The following NREP variants were observed in gnomAD, a reference collection of about 807,000 sequenced individuals.
The protein encoded by NREP is neuronal regeneration related protein, also known as neuronal regeneration-related protein.
Under a neutral mutation model 8.6 loss-of-function variants are expected in NREP, and 5 were observed. That is an observed-to-expected ratio of 0.58 (90% CI 0.30 to 1.22). The LOEUF is 1.22. NREP is among the 50% of genes most tolerant of loss of function. NREP has a pLI of 0.07. For missense variants in NREP, 86 were observed against 82.5 expected (o/e 1.04, Z -0.17); for synonymous variants, 27 against 28.0 (o/e 0.96, Z 0.11).
chr5:111,752,528 TGTCTTTTTCTTTAAA>T (rs1750427204), intron 2 of NREP, among the ~76,000 whole-genome samples: 1 of 152,204 alleles, frequency 6.6e-6, no homozygotes, highest in South Asian at 2.1e-4. Flanking sequence ...CCCCAATCTT[TGTCTTTTTCTTTAAA>T]CAAGGAAACC....
intron 2 of NREP, among the ~76,000 whole-genome samples, chr5:111,955,366 C>G (rs1276919855): frequency 2.0e-5 from 3 of 151,280 alleles, no homozygotes; most frequent in African/African-American, 7.3e-5. Flanking sequence ...TTGAGTGAGT[C>G]AGCGAAAGAA....
At chr5:111,890,373 C>A (rs1175142667) in intron 2 of NREP, among the ~76,000 whole-genome samples, 1 of 152,228 alleles carries the variant, frequency 6.6e-6, no homozygotes, top group Non-Finnish European at 1.5e-5. Flanking sequence ...ATGCCTTCAG[C>A]TTTTCCTTGC....
At chr5:111,761,344 A>G (rs945648322), upstream of NREP, among the ~76,000 whole-genome samples, 1 of 152,220 alleles carries the variant, frequency 6.6e-6, no homozygotes, top group African/African-American at 2.4e-5. Context: ...ACTGTTGCAC[A>G]ACCCTTGAGC....
intron 2 of NREP, among the ~76,000 whole-genome samples, chr5:111,843,015 G>A (rs1053038809): frequency 1.3e-5 from 2 of 152,196 alleles, no homozygotes. Context: ...ACAATGTGTC[G>A]TGGTGAAGAT....
chr5:111,799,299 T>C (rs1439057748), intron 2 of NREP, among the ~76,000 whole-genome samples: 1 of 152,182 alleles, frequency 6.6e-6, no homozygotes, highest in African/African-American at 2.4e-5. Flanking sequence ...TCTAGTTCTG[T>C]GAAGAATGAT....
intron 2 of NREP, among the ~76,000 whole-genome samples, chr5:111,890,616 C>T (rs1042926183): frequency 6.6e-6 from 1 of 152,214 alleles, no homozygotes; most frequent in African/African-American, 2.4e-5. Flanking sequence ...GGTTCCCAAG[C>T]CTCAATTGTT....
At chr5:111,737,459 G>A (rs1227622490) in intron 2 of NREP, among the ~76,000 whole-genome samples, 7 of 152,074 alleles carry the variant, frequency 4.6e-5, no homozygotes, top group Non-Finnish European at 7.4e-5. Context: ...AACCAAAAAC[G>A]TTGATAAAAG....
Position 111,736,503 on chromosome 5 carries a change from A to G in NREP, c.4-996T>C, listed in dbSNP as rs189811782. Among the ~76,000 whole-genome samples the G allele has an allele frequency of 2.3e-3, 345 of 152,300 alleles. 1 individual carries two copies. Among genetic ancestry groups the G allele is most frequent in the African/African-American group, 8.0e-3 (334 of 41,576 alleles). On this transcript the variant is annotated intron_variant, in intron 2 of 3. Transcript: ENST00000257435. ...AAGAGTCACACCTCATTAACAGATT[A>G]ACAAACAGACTTAGATGTGTGTTTA...
chr5:111,904,501 T>C (rs923565446), intron 2 of NREP, among the ~76,000 whole-genome samples: 4 of 152,130 alleles, frequency 2.6e-5, no homozygotes, highest in African/African-American at 9.7e-5. Context: ...ATCATTGGAA[T>C]TATATAGTAT....
chr5:111,835,704 TG>T (rs1263012539), intron 2 of NREP, among the ~76,000 whole-genome samples: 2 of 152,124 alleles, frequency 1.3e-5, no homozygotes, highest in African/African-American at 2.4e-5. Flanking sequence ...AGGAACATTC[TG>T]GGATAAGTGG....
At chr5:111,780,375 G>C (rs1581112046) in intron 2 of NREP, among the ~76,000 whole-genome samples, 1 of 152,258 alleles carries the variant, frequency 6.6e-6, no homozygotes, top group East Asian at 1.9e-4. Flanking sequence ...TACTGTGAGA[G>C]AAGAGGCAGA....
intron 2 of NREP, among the ~76,000 whole-genome samples, chr5:111,881,554 C>G (rs970800625): frequency 6.6e-6 from 1 of 152,170 alleles, no homozygotes; most frequent in Non-Finnish European, 1.5e-5. Flanking sequence ...CCCTGACCCC[C>G]AAGCAGTCTA....
intron 2 of NREP, among the ~76,000 whole-genome samples, chr5:111,950,447 G>T (rs1756122943): frequency 6.6e-6 from 1 of 152,040 alleles, no homozygotes; most frequent in African/African-American, 2.4e-5. Context: ...AAAAACCCTG[G>T]GAGAAAACCT....
intron 2 of NREP, among the ~76,000 whole-genome samples, chr5:111,784,009 T>C (rs1751553921): frequency 6.6e-6 from 1 of 152,194 alleles, no homozygotes; most frequent in South Asian, 2.1e-4. Context: ...TTAAAAAATT[T>C]TGCTTTTCAT....
At chr5:111,830,738 A>C (rs1196692299) in intron 2 of NREP, among the ~76,000 whole-genome samples, 1 of 152,164 alleles carries the variant, frequency 6.6e-6, no homozygotes, top group East Asian at 1.9e-4. Flanking sequence ...TCAAACTTTT[A>C]TGGTTCTGTT....
intron 2 of NREP, among the ~76,000 whole-genome samples, chr5:111,935,774 A>G (rs1755665633): frequency 6.6e-6 from 1 of 152,078 alleles, no homozygotes; most frequent in African/African-American, 2.4e-5. Context: ...CCTTTCTATC[A>G]TTTTAATGGT....
At chr5:111,770,578 T>TC (rs1751195431) in intron 2 of NREP, among the ~76,000 whole-genome samples, 1 of 130,730 alleles carries the variant, frequency 7.6e-6, no homozygotes, top group African/African-American at 2.8e-5. Flanking sequence ...TTTTTTTTTT[T>TC]TTTTTTGAGA....
chr5:111,942,366 T>C (rs1180886955), intron 2 of NREP, among the ~76,000 whole-genome samples: 1 of 152,120 alleles, frequency 6.6e-6, no homozygotes, highest in Admixed American at 6.6e-5. Flanking sequence ...CATGGTCACA[T>C]GTGATGCAGT....
At chr5:111,912,216 T>A (rs978276548) in intron 2 of NREP, among the ~76,000 whole-genome samples, 2 of 152,058 alleles carry the variant, frequency 1.3e-5, no homozygotes, top group Non-Finnish European at 2.9e-5. Flanking sequence ...GCACCCTTTT[T>A]TCATCATGCT....
Sources: gnomAD v4.1 joint callset for allele counts (sites outside exome capture counted in the v4.1 genomes callset) on GRCh38, gnomAD v4.1.1 for gene constraint, MANE v1.5 for transcripts, NCBI Gene and HGNC (gene_info 2026-07-23, HGNC 2026-07-21) for gene names.